NCALD: variants seen among roughly 807,000 people sequenced by gnomAD.
NCALD encodes the protein neurocalcin-delta.
Under a neutral mutation model 18.6 loss-of-function variants are expected in NCALD, and 10 were observed. That is an observed-to-expected ratio of 0.54 (90% CI 0.33 to 0.91). The LOEUF (loss-of-function observed/expected upper bound fraction) is 0.91, where lower values mean the gene tolerates loss of function less well. Among genes scored for constraint, NCALD ranks in the 40% least tolerant of loss-of-function variants. NCALD has a pLI of 0.03. For missense variants in NCALD, 184 were observed against 247.6 expected (o/e 0.74, Z 1.72); for synonymous variants, 88 against 87.4 (o/e 1.01, Z -0.04).
intron 1 of NCALD, among the ~76,000 whole-genome samples, chr8:102,117,429 T>G (rs1403519225): frequency 6.6e-6 from 1 of 152,014 alleles, no homozygotes; most frequent in Non-Finnish European, 1.5e-5. Context: ...GGCCAGAGAG[T>G]CCCAGCTACT....
intron 2 of NCALD, among the ~76,000 whole-genome samples, chr8:101,944,094 G>T (rs1263077380): frequency 1.3e-5 from 2 of 152,194 alleles, no homozygotes; most frequent in Admixed American, 1.3e-4. Context: ...ATGGGAGGAT[G>T]GTCACCACTG....
chr8:101,982,655 A>G (rs1330651403), intron 2 of NCALD, among the ~76,000 whole-genome samples: 1 of 152,098 alleles, frequency 6.6e-6, no homozygotes, highest in African/African-American at 2.4e-5. Flanking sequence ...CCTGGCTAAC[A>G]TGGTGAAACT....
In NCALD at chr8:102,114,908, C is replaced by T. The variant is rs191752756; in HGVS notation, c.-210+9329G>A. On this transcript the variant is annotated intron_variant, in intron 1 of 6. Transcript: ENST00000311028. ...TCCAACCAAGGCAGAGGAAACTGGC[C>T]TGGTCACTCTTTGGGAGTTAAGGTG... Among the ~76,000 whole-genome samples the T allele has an allele frequency of 1.5e-4, 23 of 152,274 alleles. 1 individual carries two copies. The highest frequency in any genetic ancestry group is 4.1e-4 in the African/African-American group (17 of 41,572).
At chr8:101,759,828 C>G (rs16868366) in intron 1 of NCALD, among the ~76,000 whole-genome samples, 4,573 of 152,244 alleles carry the variant, frequency 0.03, 229 homozygotes, top group African/African-American at 0.1. Context: ...TTCGGGGCAT[C>G]AGATAAAAAT....
At chr8:102,085,783 C>T (rs1824718436) in intron 1 of NCALD, among the ~76,000 whole-genome samples, 1 of 151,298 alleles carries the variant, frequency 6.6e-6, no homozygotes, top group South Asian at 2.1e-4. Flanking sequence ...CTAGTGGCAC[C>T]AATATTTGAG....
chr8:101,968,358 C>A (rs1453593581), intron 2 of NCALD, among the ~76,000 whole-genome samples: 2 of 152,028 alleles, frequency 1.3e-5, no homozygotes, highest in African/African-American at 2.4e-5. Context: ...GCCCCTTGTA[C>A]CTTAAAGCAA....
chr8:101,976,734 C>T (rs73279300), intron 2 of NCALD, among the ~76,000 whole-genome samples: 2,342 of 152,292 alleles, frequency 0.015, 49 homozygotes, highest in African/African-American at 0.048. Context: ...ATGTGTCAGG[C>T]ACTTGGTCAG....
At chr8:101,702,109 T>C (rs751760268) in intron 2 of NCALD, among the ~76,000 whole-genome samples, 1 of 152,142 alleles carries the variant, frequency 6.6e-6, no homozygotes, top group African/African-American at 2.4e-5. Context: ...AGCAGTTCCA[T>C]GTAAGATTTC....
intron 1 of NCALD, among the ~76,000 whole-genome samples, chr8:101,738,892 C>A (rs932777369): frequency 4.6e-5 from 7 of 152,162 alleles, no homozygotes; most frequent in Non-Finnish European, 8.8e-5. Context: ...TCTTCATCAT[C>A]ATCATCATTC....
At chr8:101,752,653 G>A (rs1810708801) in intron 1 of NCALD, among the ~76,000 whole-genome samples, 1 of 152,218 alleles carries the variant, frequency 6.6e-6, no homozygotes. Context: ...CAAGTAAAGT[G>A]TTTGGACTAG....
chr8:101,844,555 C>A (rs1814787298), intron 4 of NCALD, among the ~76,000 whole-genome samples: 1 of 151,970 alleles, frequency 6.6e-6, no homozygotes, highest in Non-Finnish European at 1.5e-5. Flanking sequence ...GAGACAGGGT[C>A]TCGCTGCGTT....
chr8:101,949,828 G>A (rs374902196), intron 2 of NCALD, among the ~76,000 whole-genome samples: 1 of 152,280 alleles, frequency 6.6e-6, no homozygotes, highest in Non-Finnish European at 1.5e-5. Flanking sequence ...GAGGTGGTTG[G>A]TTTCTTAAAA....
At chr8:101,700,197 A>C (rs1284899638) in intron 2 of NCALD, among the ~76,000 whole-genome samples, 6 of 151,744 alleles carry the variant, frequency 4.0e-5, no homozygotes, top group African/African-American at 1.5e-4. Context: ...AGTTGCTGGG[A>C]CCAAAGGCAT....
chr8:101,894,574 A>G (rs200266530), intron 3 of NCALD, among the ~76,000 whole-genome samples: 45,453 of 134,364 alleles, frequency 0.34, 10,810 homozygotes, highest in African/African-American at 0.65. Context: ...GAATCCAGGA[A>G]CTGGTTTTTT....
chr8:102,075,147 G>GA (rs1390072377), intron 1 of NCALD, among the ~76,000 whole-genome samples: 2 of 152,128 alleles, frequency 1.3e-5, no homozygotes, highest in Non-Finnish European at 2.9e-5. Flanking sequence ...CTATTGCTCT[G>GA]AAAAAACTCA....
chr8:102,091,804 C>T (rs754322674), intron 1 of NCALD, among the ~76,000 whole-genome samples: 7 of 152,218 alleles, frequency 4.6e-5, no homozygotes, highest in Non-Finnish European at 8.8e-5. Flanking sequence ...CTGAGCTTCT[C>T]TCTACCCCAA....
At chr8:101,934,670 A>G (rs1265124197) in intron 2 of NCALD, among the ~76,000 whole-genome samples, 1 of 139,594 alleles carries the variant, frequency 7.2e-6, no homozygotes, top group East Asian at 2.1e-4. Context: ...TTTATTAGAT[A>G]TGACAGGAAA....
intron 1 of NCALD, among the ~76,000 whole-genome samples, chr8:102,092,063 G>C (rs768829839): frequency 6.6e-6 from 1 of 152,202 alleles, no homozygotes; most frequent in Non-Finnish European, 1.5e-5. Context: ...CACAGGATGA[G>C]ATAGGAGGTC....
At chr8:102,117,944 C>T (rs1468069050) in intron 1 of NCALD, among the ~76,000 whole-genome samples, 1 of 152,308 alleles carries the variant, frequency 6.6e-6, no homozygotes, top group East Asian at 1.9e-4. Context: ...ATTTGTCAGT[C>T]TTCAGATTTC....
Sources: allele counts gnomAD v4.1 joint callset (sites outside exome capture counted in the v4.1 genomes callset), GRCh38; gene constraint gnomAD v4.1.1; transcripts MANE v1.5; gene names NCBI Gene and HGNC (gene_info 2026-07-23, HGNC 2026-07-21).